RANBP2: variants seen among roughly 807,000 people sequenced by gnomAD.
RANBP2 encodes RAN binding protein 2.
A neutral mutation model predicts 303.6 loss-of-function variants in RANBP2; 57 were observed. The observed-to-expected ratio is 0.19, with a 90% CI of 0.15 to 0.23. The LOEUF is 0.23. Among genes scored for constraint, RANBP2 ranks in the 10% least tolerant of loss-of-function variants. The pLI is 1.00. For synonymous variants in RANBP2, 1,167 were observed against 1,301.5 expected (o/e 0.90, Z 2.23); for missense variants, 3,138 against 3,780.8 (o/e 0.83, Z 4.46).
chr2:109,674,200 A>C, the RANBP2 span, among the ~76,000 whole-genome samples: 1 of 151,994 alleles, frequency 6.6e-6, no homozygotes, highest in East Asian at 1.9e-4. Context: ...TCCTATTTTA[A>C]ACAATAAATG....
At chr2:109,188,349 C>T in the RANBP2 span, among the ~76,000 whole-genome samples, 1 of 152,214 alleles carries the variant, frequency 6.6e-6, no homozygotes, top group Non-Finnish European at 1.5e-5. Context: ...TTGGTCCTGT[C>T]TTCCTCACAG....
the RANBP2 span, among the ~76,000 whole-genome samples, chr2:109,597,438 A>T: frequency 6.6e-6 from 1 of 152,228 alleles, no homozygotes; most frequent in Non-Finnish European, 1.5e-5. Context: ...TAGGCTCCGC[A>T]GTCTCAACAG....
the RANBP2 span, among the ~76,000 whole-genome samples, chr2:109,179,174 G>A: frequency 7.2e-5 from 11 of 152,146 alleles, no homozygotes; most frequent in African/African-American, 2.2e-4. Flanking sequence ...AGAGAAATAC[G>A]TATCTTGCAG....
the RANBP2 span, among the ~76,000 whole-genome samples, chr2:109,168,706 A>G: frequency 6.6e-6 from 1 of 152,154 alleles, no homozygotes; most frequent in African/African-American, 2.4e-5. Context: ...GTCTGTTGTG[A>G]TGCCTTCTGG....
At chr2:108,830,156 C>T in the RANBP2 span, among the ~76,000 whole-genome samples, 1 of 152,112 alleles carries the variant, frequency 6.6e-6, no homozygotes, top group African/African-American at 2.4e-5. Flanking sequence ...AGCTAGACAC[C>T]AGATGACAAA....
intron 15 of RANBP2, 81 bp downstream of exon 15, chr2:108,754,052 A>T: frequency 6.2e-7 from 1 of 1,610,188 alleles, no homozygotes; most frequent in Non-Finnish European, 8.5e-7. Context: ...TATTTTGGTA[A>T]TTTCAAAAAT....
chr2:109,514,564 G>C, the RANBP2 span, among the ~76,000 whole-genome samples: 1 of 152,142 alleles, frequency 6.6e-6, no homozygotes, highest in Non-Finnish European at 1.5e-5. Context: ...CCCTGGTGTG[G>C]GACCAGGGCC....
At chr2:109,237,921 G>A in the RANBP2 span, among the ~76,000 whole-genome samples, 1 of 152,196 alleles carries the variant, frequency 6.6e-6, no homozygotes, top group Admixed American at 6.5e-5. Context: ...AATTAACTTA[G>A]TGTTATGCCA....
chr2:108,764,537 A>T lies in RANBP2; in HGVS notation c.3998A>T (p.Asp1333Val), dbSNP rs1676973398. The change falls in exon 20 of 29, where the codon GAT becomes GTT. Residue 1333 changes from aspartate to valine, a missense_variant. By Grantham distance (152) the Asp-to-Val change is radical (BLOSUM62 -3). This residue lies in a region of RANBP2 where 388 missense variants were observed against 328.5 expected (regional missense o/e 1.18). Coordinates refer to ENST00000283195, the MANE Select transcript of RANBP2 (RefSeq NM_006267.5). ...GAACCCACAAGTCATGATAACAAGG[A>T]TATTTGCAAATCTGATGCTGGAAAC... ...VKEPTSHDNKDICKSDAGNLN... is the reference protein window; with the variant it reads ...VKEPTSHDNKVICKSDAGNLN... The T allele has an allele frequency of 1.9e-6, 3 of 1,613,894 alleles. No homozygotes were observed. Among genetic ancestry groups the T allele is most frequent in the South Asian group, 1.1e-5 (1 of 91,076 alleles).
the RANBP2 span, among the ~76,000 whole-genome samples, chr2:109,148,851 T>A: frequency 6.5e-5 from 9 of 139,032 alleles, no homozygotes; most frequent in South Asian, 2.4e-4. Flanking sequence ...TGTTTTTTTT[T>A]AAAAAGTATT....
the RANBP2 span, among the ~76,000 whole-genome samples, chr2:109,239,218 G>A: frequency 6.6e-6 from 1 of 151,936 alleles, no homozygotes; most frequent in African/African-American, 2.4e-5. Flanking sequence ...AAAGAGCTGG[G>A]GTCCGTAAAT....
At chr2:108,739,735 C>A (rs181336127) in intron 6 of RANBP2, among the ~76,000 whole-genome samples, 150 of 152,260 alleles carry the variant, frequency 9.9e-4, no homozygotes, top group African/African-American at 3.4e-3. Flanking sequence ...CCTGTAATCC[C>A]AGCACATTGG....
the RANBP2 span, among the ~76,000 whole-genome samples, chr2:109,408,980 G>C: frequency 6.6e-6 from 1 of 152,202 alleles, no homozygotes; most frequent in East Asian, 1.9e-4. Flanking sequence ...GGGCAAGATA[G>C]GTTGCTTCTT....
chr2:109,456,492 G>C, the RANBP2 span, among the ~76,000 whole-genome samples: 1 of 152,234 alleles, frequency 6.6e-6, no homozygotes, highest in African/African-American at 2.4e-5. Flanking sequence ...CTCTAAGTTA[G>C]GAATGTCCCG....
the RANBP2 span, among the ~76,000 whole-genome samples, chr2:109,672,105 G>C: frequency 6.6e-6 from 1 of 152,124 alleles, no homozygotes; most frequent in Non-Finnish European, 1.5e-5. Context: ...CCAGTGTGTT[G>C]TATTTTTAAA....
chr2:109,412,667 C>T, the RANBP2 span, among the ~76,000 whole-genome samples: 18 of 152,202 alleles, frequency 1.2e-4, no homozygotes, highest in African/African-American at 2.4e-4. Flanking sequence ...ACGGGCTTAC[C>T]GTCAGCCAGA....
At chr2:108,930,324 G>A in the RANBP2 span, 1 of 1,584,756 alleles carries the variant, frequency 6.3e-7, no homozygotes, top group African/African-American at 1.3e-5. Context: ...GGTTGACATA[G>A]GAAGGGGGTG....
At chr2:109,538,982 T>G in the RANBP2 span, among the ~76,000 whole-genome samples, 1 of 152,290 alleles carries the variant, frequency 6.6e-6, no homozygotes, top group Non-Finnish European at 1.5e-5. Flanking sequence ...AGAAAACAGG[T>G]TTGCTGAGGT....
intron 25 of RANBP2, among the ~76,000 whole-genome samples, chr2:108,777,500 T>C (rs1332039193): frequency 6.6e-6 from 1 of 152,198 alleles, no homozygotes; most frequent in Admixed American, 6.5e-5. Context: ...GGAATGACTC[T>C]GACTTTGATC....
Sources: allele counts gnomAD v4.1 joint callset (sites outside exome capture counted in the v4.1 genomes callset), GRCh38; gene constraint gnomAD v4.1.1; regional missense constraint gnomAD v4.1.1; transcripts MANE v1.5; gene names NCBI Gene and HGNC (gene_info 2026-07-23, HGNC 2026-07-21).